Variants in C10orf143 observed in about 807,000 individuals in gnomAD.
C10orf143 encodes uncharacterized protein C10orf143.
At chr10:130,095,978 A>G (rs182845222) in intron 1 of C10orf143, among the ~76,000 whole-genome samples, 1 of 152,342 alleles carries the variant, frequency 6.6e-6, no homozygotes, top group East Asian at 1.9e-4. Context: ...CTGCACAGCA[A>G]AAGAAACTAT....
At chr10:130,091,252 C>A (rs1290479898) in intron 1 of C10orf143, among the ~76,000 whole-genome samples, 3 of 152,220 alleles carry the variant, frequency 2.0e-5, no homozygotes, top group Non-Finnish European at 2.9e-5. Context: ...TGTTCTGCAG[C>A]CTCTGCTGGT....
At chr10:130,060,087 G>A (rs1033368110), downstream of C10orf143, among the ~76,000 whole-genome samples, 9 of 152,182 alleles carry the variant, frequency 5.9e-5, no homozygotes, top group South Asian at 8.3e-4. Flanking sequence ...GGCAGTGGCC[G>A]ATCATCACTG....
At chr10:130,110,675 TC>T (rs1159234144) in intron 1 of C10orf143, 28 bp downstream of exon 1, 1 of 398,546 alleles carries the variant, frequency 2.5e-6, no homozygotes, top group Non-Finnish European at 4.4e-6. Flanking sequence ...CGCCCTCCCG[TC>T]CCTAACGCCC....
chr10:130,084,616 G>A (rs1400353233), intron 1 of C10orf143, among the ~76,000 whole-genome samples: 1 of 150,626 alleles, frequency 6.6e-6, no homozygotes, highest in Non-Finnish European at 1.5e-5. Flanking sequence ...AATATATAAA[G>A]ATATGTATGT....
rs907454246 is a variant in C10orf143 at position 130,065,994 on chromosome 10, C to T, written c.298-1611G>A. The T allele has an allele frequency of 2.0e-5, 3 of 152,094 alleles. No homozygotes were observed. Among genetic ancestry groups the T allele is most frequent in the African/African-American group, 7.2e-5 (3 of 41,396 alleles). The allele number at this position is 152,094 out of a possible 1,614,324, so 9.4% of individuals were successfully genotyped here. A position where few individuals can be genotyped will look rare whatever the true frequency, so the allele number is the denominator to read the frequency against. On this transcript the variant is annotated intron_variant, in intron 3 of 3. Coordinates refer to ENST00000637128, the MANE Select transcript of C10orf143 (RefSeq NM_001355042.2). This position sits in a 1 kb window ranked among gnomAD's most constrained non-coding sequence, Gnocchi z 4.2. ...AATGCTGTTTAATTCATTTCGTCAT[C>T]ACCAACCACAGAACTTGAAAAACAC... is the stretch of plus-strand genomic sequence containing the variant.
At chr10:130,101,301 T>C (rs1360628719) in intron 1 of C10orf143, 1 of 151,384 alleles carries the variant, frequency 6.6e-6, no homozygotes, top group East Asian at 1.9e-4. Flanking sequence ...GATCCAAGAA[T>C]CTCAGTAACC....
chr10:130,066,522 C>T (rs1490679053), intron 3 of C10orf143: 1 of 152,158 alleles, frequency 6.6e-6, no homozygotes, highest in Non-Finnish European at 1.5e-5. Flanking sequence ...CACAAAGGAA[C>T]CTTTAGAAAT....
intron 1 of C10orf143, among the ~76,000 whole-genome samples, chr10:130,084,424 G>A: frequency 6.6e-6 from 1 of 152,152 alleles, no homozygotes; most frequent in East Asian, 1.9e-4. Context: ...TTATTACAGG[G>A]TTAGCAATTT....
At chr10:130,078,085 C>G (rs1019482141) in intron 3 of C10orf143, among the ~76,000 whole-genome samples, 1 of 152,062 alleles carries the variant, frequency 6.6e-6, no homozygotes, top group African/African-American at 2.4e-5. Flanking sequence ...TCATTTCCTA[C>G]GAAACATAAC....
chr10:130,042,475 T>C (rs995352557), intron 3 of C10orf143, among the ~76,000 whole-genome samples: 4 of 152,268 alleles, frequency 2.6e-5, no homozygotes, highest in Non-Finnish European at 5.9e-5. Flanking sequence ...GTCTCAGTCC[T>C]GGACAATTAG....
Position 130,057,399 on chromosome 10 carries a change from G to A in C10orf143, c.298-21429C>T, listed in dbSNP as rs1860808278. Among the ~76,000 whole-genome samples, 4 of 152,110 alleles carry A rather than the reference G, an allele frequency of 2.6e-5. No individual in the cohort carries two copies. In the South Asian group the frequency reaches 8.3e-4, roughly 31 times the overall value. ...TGCTGTCCCCTCTGGGCCCTTCCAA[G>A]TTTGCACTAGGACCACCCTGTCTTT... On this transcript the variant is annotated intron_variant and NMD_transcript_variant, in intron 3 of 5. Transcript: ENST00000643056.
intron 3 of C10orf143, among the ~76,000 whole-genome samples, chr10:130,044,326 C>T (rs548522977): frequency 3.3e-5 from 5 of 152,196 alleles, no homozygotes; most frequent in South Asian, 2.1e-4. Flanking sequence ...ATAGGATATG[C>T]GGATGTGGCT....
At chr10:130,096,483 C>A (rs1301056368) in intron 1 of C10orf143, among the ~76,000 whole-genome samples, 1 of 150,416 alleles carries the variant, frequency 6.6e-6, no homozygotes, top group Non-Finnish European at 1.5e-5. Context: ...TTTAAAGACA[C>A]ATGCACATGT....
chr10:130,101,880 A>AAAT (rs1861562511), intron 1 of C10orf143, among the ~76,000 whole-genome samples: 1 of 148,018 alleles, frequency 6.8e-6, no homozygotes, highest in Non-Finnish European at 1.5e-5. Flanking sequence ...AAAAAAAAAA[A>AAAT]AAAAACTTTT....
intron 1 of C10orf143, among the ~76,000 whole-genome samples, chr10:130,090,348 G>C (rs1237645353): frequency 6.6e-6 from 1 of 152,116 alleles, no homozygotes; most frequent in Non-Finnish European, 1.5e-5. Flanking sequence ...GAAGCCGTGA[G>C]GGAGTGTGCC....
In C10orf143 at chr10:130,064,118, C is replaced by A. The variant is rs182311636; in HGVS notation, c.*236G>T. 75 of 371,638 alleles carry A rather than the reference C, an allele frequency of 2.0e-4. No individual in the cohort carries two copies. The highest frequency in any genetic ancestry group is 8.7e-4 in the Admixed American group (19 of 21,882). 23.0% of individuals were successfully genotyped at this position (371,638 alleles called of 1,614,324 possible). ...GAACATTCGAAAGGAGGCTGTAGTA[C>A]GTAGTAAGGATTTGGGGGCTCTTTT... On this transcript the variant is annotated 3_prime_UTR_variant, in exon 4 of 4. Coordinates refer to ENST00000637128, the MANE Select transcript of C10orf143 (RefSeq NM_001355042.2).
intron 1 of C10orf143, among the ~76,000 whole-genome samples, chr10:130,080,511 T>G (rs1204216676): frequency 6.6e-6 from 1 of 152,204 alleles, no homozygotes; most frequent in East Asian, 1.9e-4. Context: ...ACTTTGTGTA[T>G]TTTTAGGGTA....
chr10:130,047,252 C>G (rs1860686429), intron 3 of C10orf143, among the ~76,000 whole-genome samples: 1 of 152,156 alleles, frequency 6.6e-6, no homozygotes, highest in Admixed American at 6.5e-5. Flanking sequence ...ATGGGGTTGC[C>G]GTGGGGATGA....
Position 130,065,551 on chromosome 10 carries a change from CTG to C in C10orf143, c.298-1170_298-1169del, listed in dbSNP as rs1330226281. 1 of 152,342 alleles carries C rather than the reference CTG, an allele frequency of 6.6e-6. No homozygotes were observed. Among genetic ancestry groups the C allele is most frequent in the African/African-American group, 2.4e-5 (1 of 41,420 alleles). 9.4% of individuals were successfully genotyped at this position (152,342 alleles called of 1,614,324 possible). A position where few individuals can be genotyped will look rare whatever the true frequency, so the allele number is the denominator to read the frequency against. On this transcript the variant is annotated intron_variant, in intron 3 of 3. Transcript: ENST00000637128. This position sits in a 1 kb window ranked among gnomAD's most constrained non-coding sequence, Gnocchi z 4.2. ...CAGCTGTCTGGGAGGTCAAGCAACA[CTG>C]AGATTTGAAGGGCCCTGGATGCCAT...
Sources: gnomAD v4.1 joint callset for allele counts (sites outside exome capture counted in the v4.1 genomes callset) on GRCh38, gnomAD v4.1.1 for gene constraint, Gnocchi (gnomAD v3.1) non-coding constraint, MANE v1.5 for transcripts, NCBI Gene and HGNC (gene_info 2026-07-23, HGNC 2026-07-21) for gene names.